Variants in ESR1 observed in about 807,000 individuals in gnomAD.
The protein encoded by ESR1 is estrogen receptor.
ESR1 carries 12 observed loss-of-function variants against 52.7 expected under a neutral mutation model. That is an observed-to-expected ratio of 0.23 (90% CI 0.15 to 0.37). The LOEUF is 0.37. Among genes scored for constraint, ESR1 ranks in the 10% least tolerant of loss-of-function variants. ESR1 has a pLI of 1.00. For missense variants in ESR1, 584 were observed against 779.7 expected (o/e 0.75, Z 2.99); for synonymous variants, 305 against 316.8 (o/e 0.96, Z 0.39).
At chr6:151,671,448 C>G (rs1778056330) in intron 1 of ESR1, among the ~76,000 whole-genome samples, 1 of 152,132 alleles carries the variant, frequency 6.6e-6, no homozygotes, top group South Asian at 2.1e-4. Flanking sequence ...ACAAATTGTG[C>G]ATGATCTCAC....
At chr6:151,737,897 G>A (rs1782796514) in intron 2 of ESR1, among the ~76,000 whole-genome samples, 1 of 152,078 alleles carries the variant, frequency 6.6e-6, no homozygotes, top group Non-Finnish European at 1.5e-5. Context: ...ATAAGGGAAG[G>A]GTTGCAAATA....
In ESR1 at chr6:151,944,315, TAAG is replaced by T. The variant is rs748961781; in HGVS notation, c.909_911del (p.Lys303del). ...CAAGCCCGCTCATGATCAAACGCTC[TAAG>T]AAGAACAGCCTGGCCTTGTCCCTGA... On this transcript the variant is annotated inframe_deletion, in exon 4 of 8. Coordinates refer to ENST00000206249, the MANE Select transcript of ESR1 (RefSeq NM_000125.4). The T allele has an allele frequency of 3.8e-5, 61 of 1,614,160 alleles. No individual in the cohort carries two copies. In the Admixed American group the frequency reaches 4.5e-4, roughly 12 times the overall value.
intron 4 of ESR1, among the ~76,000 whole-genome samples, chr6:151,978,964 A>G (rs1298633087): frequency 6.6e-6 from 1 of 152,216 alleles, no homozygotes; most frequent in Non-Finnish European, 1.5e-5. Context: ...TGAATCAATG[A>G]TACTGTCTAA....
intron 6 of ESR1, among the ~76,000 whole-genome samples, chr6:152,116,438 A>G (rs2051211431): frequency 6.6e-6 from 1 of 152,222 alleles, no homozygotes; most frequent in African/African-American, 2.4e-5. Context: ...TTACAGAATA[A>G]TAAGAATAGA....
chr6:151,930,819 C>T (rs922528310), intron 3 of ESR1, among the ~76,000 whole-genome samples: 8 of 152,006 alleles, frequency 5.3e-5, no homozygotes, highest in Admixed American at 4.6e-4. Flanking sequence ...CTAAATTGGT[C>T]ACTTTTTTCA....
At chr6:151,829,757 A>G (rs1489491852) in intron 1 of ESR1, among the ~76,000 whole-genome samples, 2 of 152,190 alleles carry the variant, frequency 1.3e-5, no homozygotes, top group African/African-American at 4.8e-5. Flanking sequence ...GTAATTTCTC[A>G]TTTTACAGAT....
intron 3 of ESR1, among the ~76,000 whole-genome samples, chr6:151,911,899 G>A (rs75023891): frequency 0.011 from 1,626 of 152,294 alleles, 30 homozygotes; most frequent in East Asian, 0.071. Context: ...AAGCAGTGTC[G>A]GATATTGCTT....
In ESR1 at chr6:151,999,162, T is replaced by G. The variant is rs549460428; in HGVS notation, c.1097-12494T>G. On this transcript the variant is annotated intron_variant, in intron 4 of 7. Coordinates refer to ENST00000206249, the MANE Select transcript of ESR1 (RefSeq NM_000125.4). ...GGCAAGAAACATGTATTTTGGAGGT[T>G]TTACCTGTTTATTTCATGTATAGCT... 4.6e-5 allele frequency among the ~76,000 whole-genome samples: 7 copies of G among 152,200 alleles called. No individual in the cohort carries two copies. The South Asian group carries it at 1.5e-3, about 32-fold the overall frequency.
chr6:151,763,972 G>C (rs1165677594), intron 2 of ESR1, among the ~76,000 whole-genome samples: 1 of 152,136 alleles, frequency 6.6e-6, no homozygotes, highest in African/African-American at 2.4e-5. Context: ...CTGGGAAGGG[G>C]AAGGGCGGCC....
At chr6:151,771,293 G>A (rs532415582) in intron 2 of ESR1, among the ~76,000 whole-genome samples, 28 of 152,264 alleles carry the variant, frequency 1.8e-4, no homozygotes, top group African/African-American at 6.5e-4. Context: ...AATTGAAAGC[G>A]TTTATCCTCT....
At chr6:151,980,698 A>G (rs185325697) in intron 4 of ESR1, among the ~76,000 whole-genome samples, 49 of 152,212 alleles carry the variant, frequency 3.2e-4, no homozygotes, top group Admixed American at 2.5e-3. Context: ...AACCAGAGCC[A>G]TCTGAAGTTT....
intron 5 of ESR1, among the ~76,000 whole-genome samples, chr6:152,028,506 C>G (rs918341324): frequency 3.9e-5 from 6 of 152,204 alleles, no homozygotes; most frequent in African/African-American, 1.4e-4. Flanking sequence ...TATCCTGTGC[C>G]TGGCTCAGAG....
intron 3 of ESR1, among the ~76,000 whole-genome samples, chr6:151,939,070 C>T (rs1584351377): frequency 6.6e-6 from 1 of 152,168 alleles, no homozygotes; most frequent in East Asian, 1.9e-4. Context: ...ATCCAGGGCA[C>T]GACATCTCTA....
At chr6:152,030,493 C>G (rs939255080) in intron 5 of ESR1, among the ~76,000 whole-genome samples, 31 of 152,206 alleles carry the variant, frequency 2.0e-4, no homozygotes, top group African/African-American at 7.2e-4. Context: ...CAATCCTAGT[C>G]TCTGTTAAAA....
intron 4 of ESR1, among the ~76,000 whole-genome samples, chr6:151,968,690 A>T (rs1484382315): frequency 6.6e-6 from 1 of 152,006 alleles, no homozygotes; most frequent in African/African-American, 2.4e-5. Context: ...TGACTCCACT[A>T]CAGTTATGTG....
intron 2 of ESR1, among the ~76,000 whole-genome samples, chr6:151,866,655 T>C (rs954490602): frequency 5.9e-5 from 9 of 152,120 alleles, no homozygotes; most frequent in African/African-American, 9.7e-5. Context: ...AAGGACATGA[T>C]TGCATCCTTT....
intron 4 of ESR1, among the ~76,000 whole-genome samples, chr6:151,987,629 C>T (rs2040617472): frequency 6.6e-6 from 1 of 152,084 alleles, no homozygotes; most frequent in Non-Finnish European, 1.5e-5. Flanking sequence ...AGATCACTTA[C>T]CTTTCCTCAC....
chr6:151,849,643 CA>C (rs34495255), intron 2 of ESR1, among the ~76,000 whole-genome samples: 39,709 of 132,174 alleles, frequency 0.3, 5,711 homozygotes, highest in Middle Eastern at 0.44. Context: ...GACTTCATCT[CA>C]AAAAAAAAAA....
chr6:152,103,697 G>C (rs1482419978), downstream of ESR1, among the ~76,000 whole-genome samples: 3 of 152,148 alleles, frequency 2.0e-5, no homozygotes, highest in African/African-American at 7.2e-5. Flanking sequence ...GGTTATTTAT[G>C]AATGAATGAG....
Sources: gnomAD v4.1 joint callset for allele counts (sites outside exome capture counted in the v4.1 genomes callset) on GRCh38, gnomAD v4.1.1 for gene constraint, MANE v1.5 for transcripts, NCBI Gene and HGNC (gene_info 2026-07-23, HGNC 2026-07-21) for gene names.